Variants in GLTP observed in about 807,000 individuals in gnomAD.
GLTP encodes the protein glycolipid transfer protein.
GLTP carries 22 observed loss-of-function variants against 24.0 expected under a neutral mutation model. That is an observed-to-expected ratio of 0.92 (90% confidence interval 0.65 to 1.31). The LOEUF (loss-of-function observed/expected upper bound fraction) is 1.31. Ranked by LOEUF, GLTP falls within the 50% of genes most tolerant of loss-of-function variation. GLTP has a pLI of 0.00. For missense variants in GLTP, 224 were observed against 276.6 expected, an observed-to-expected ratio of 0.81 and a Z score of 1.35; for synonymous variants, 92 against 115.9, an observed-to-expected ratio of 0.79 and a Z score of 1.33.
chr12:109,854,609 A>C (rs77391596), intron 4 of GLTP, among the ~76,000 whole-genome samples: 5,565 of 152,264 alleles, frequency 0.037, 240 homozygotes, highest in African/African-American at 0.11. Flanking sequence ...AATGGAAGTG[A>C]GAACAGTGCC....
intron 1 of GLTP, among the ~76,000 whole-genome samples, chr12:109,868,336 G>T (rs1403769613): frequency 2.6e-5 from 4 of 152,140 alleles, no homozygotes; most frequent in Non-Finnish European, 5.9e-5. Context: ...CTGGCCTCAA[G>T]AGAGTTGGAC....
At chr12:109,872,022 C>T (rs1156847739) in intron 1 of GLTP, among the ~76,000 whole-genome samples, 1 of 152,262 alleles carries the variant, frequency 6.6e-6, no homozygotes, top group African/African-American at 2.4e-5. Flanking sequence ...GAGGCCAAAC[C>T]TCAGGCTCTG....
At position 109,852,448 on chromosome 12, in the gene GLTP, G is replaced by C. The variant is rs1286867325; in HGVS notation, c.*107C>G. ...CTCTGGCAGGACCCTGGGCTGCTCT[G>C]GGGGACACAGGCCAGGGGCAGTTCA... is the stretch of plus-strand genomic sequence containing the variant. On this transcript the variant is annotated 3_prime_UTR_variant, in exon 5 of 5. Transcript: ENST00000318348. 1 of 737,916 alleles carries C rather than the reference G, an allele frequency of 1.4e-6. No individual in the cohort carries two copies. The highest frequency in any genetic ancestry group is 2.5e-5 in the East Asian group (1 of 40,120). The allele number at this position is 737,916 out of a possible 1,614,324, so 45.7% of individuals were successfully genotyped here. A position where few individuals can be genotyped will look rare whatever the true frequency, so the allele number is the denominator to read the frequency against.
intron 2 of GLTP, chr12:109,858,269 C>T (rs1892826990): frequency 2.2e-6 from 1 of 458,130 alleles, no homozygotes; most frequent in Non-Finnish European, 4.4e-6. Flanking sequence ...CAGTGTGTCC[C>T]AAGCCCTTGG....
At chr12:109,867,140 T>C (rs2136046825) in intron 1 of GLTP, among the ~76,000 whole-genome samples, 1 of 151,940 alleles carries the variant, frequency 6.6e-6, no homozygotes, top group Middle Eastern at 3.4e-3. Flanking sequence ...CTGCAGTGCT[T>C]CAATTATTTA....
Position 109,852,718 on chromosome 12 carries a change from G to A in GLTP, c.467C>T (p.Pro156Leu). The stretch of plus-strand genomic sequence containing the variant: ...CGCTTTCAGGAAGTCAGACTTATAG[G>A]GTGCTGCGTACAGTGCTGCCTTGAG... ...KIFQAALYAA[P>L]YKSDFLKALS... Residue 156 changes from proline (P) to leucine (L), a missense_variant, in exon 5 of 5, where the codon CCC becomes CTC. Transcript: ENST00000318348. 1 of 1,612,360 alleles carries A rather than the reference G, an allele frequency of 6.2e-7. No individual in the cohort carries two copies. Among genetic ancestry groups the A allele is most frequent in the East Asian group, 2.2e-5 (1 of 44,874 alleles).
At chr12:109,877,308 G>A (rs1473069917) in intron 1 of GLTP, among the ~76,000 whole-genome samples, 2 of 152,214 alleles carry the variant, frequency 1.3e-5, no homozygotes, top group African/African-American at 4.8e-5. Context: ...CATAGTAAGG[G>A]CTCAGTGAGT....
chr12:109,880,186 C>T lies in GLTP; in HGVS notation c.103+86G>A, dbSNP rs1048358838. The T allele has an allele frequency of 1.3e-6, 1 of 765,212 alleles. No homozygotes were observed. Among genetic ancestry groups the T allele is most frequent in the Non-Finnish European group, 2.2e-6 (1 of 453,696 alleles). The allele number at this position is 765,212 out of a possible 1,614,324, so 47.4% of individuals were successfully genotyped here. ...AAACAGTACTTAGGGGTGTCTAGGG[C>T]AGAGATGGTTAGGGGATGCTCGGGG... On this transcript the variant is annotated intron_variant, in intron 1 of 4. Coordinates refer to ENST00000318348, the MANE Select transcript of GLTP (RefSeq NM_016433.4). This position sits in a 1 kb window ranked among gnomAD's most constrained non-coding sequence, Gnocchi z 5.1.
intron 1 of GLTP, among the ~76,000 whole-genome samples, chr12:109,863,755 T>C (rs1346295716): frequency 1.3e-5 from 2 of 152,208 alleles, no homozygotes; most frequent in African/African-American, 2.4e-5. Flanking sequence ...AAGTGAGGGC[T>C]CAAAGCACTG....
chr12:109,855,858 T>A lies in GLTP; in HGVS notation c.297-89A>T. On this transcript the variant is annotated intron_variant, in intron 3 of 4. Coordinates refer to ENST00000318348, the MANE Select transcript of GLTP (RefSeq NM_016433.4). This position sits in a 1 kb window ranked among gnomAD's most constrained non-coding sequence, Gnocchi z 4.1. ...TGGACTCTGAATTTGCCACCTACTGTGAGCCAGGAACATGGGCGCCCCAGA... is the reference window on the plus strand; with the variant it reads ...TGGACTCTGAATTTGCCACCTACTGAGAGCCAGGAACATGGGCGCCCCAGA... 8.6e-7 allele frequency: 1 copy of A among 1,161,394 alleles called. No individual in the cohort carries two copies. Among genetic ancestry groups the A allele is most frequent in the Non-Finnish European group, 1.2e-6 (1 of 845,716 alleles). 71.9% of individuals were successfully genotyped at this position (1,161,394 alleles called of 1,614,324 possible).
At chr12:109,872,781 C>T (rs11068696) in intron 1 of GLTP, among the ~76,000 whole-genome samples, 8,408 of 152,268 alleles carry the variant, frequency 0.055, 353 homozygotes, top group East Asian at 0.12. Context: ...TTCTCAGGGT[C>T]CCTCCCAGGC....
At chr12:109,875,265 T>G (rs1369443236) in intron 1 of GLTP, among the ~76,000 whole-genome samples, 1 of 152,032 alleles carries the variant, frequency 6.6e-6, no homozygotes, top group Non-Finnish European at 1.5e-5. Context: ...CTGGATAAGG[T>G]AACTCCTTAA....
chr12:109,865,964 A>G (rs1868515443), intron 1 of GLTP, among the ~76,000 whole-genome samples: 1 of 152,198 alleles, frequency 6.6e-6, no homozygotes, highest in Non-Finnish European at 1.5e-5. Context: ...GAAACCTCCT[A>G]TATGGGGGAG....
At chr12:109,875,984 C>T (rs778758680) in intron 1 of GLTP, among the ~76,000 whole-genome samples, 2 of 152,118 alleles carry the variant, frequency 1.3e-5, no homozygotes, top group Non-Finnish European at 2.9e-5. Context: ...TACCAGAGCC[C>T]GACATAAGAA....
At chr12:109,858,268 C>G (rs765730127) in intron 2 of GLTP, 83 of 457,910 alleles carry the variant, frequency 1.8e-4, no homozygotes, top group Non-Finnish European at 3.4e-4. Flanking sequence ...GCAGTGTGTC[C>G]CAAGCCCTTG....
chr12:109,879,084 G>A (rs977759399), intron 1 of GLTP, among the ~76,000 whole-genome samples: 2 of 152,182 alleles, frequency 1.3e-5, no homozygotes, highest in Admixed American at 6.5e-5. Flanking sequence ...CTCACGAGGT[G>A]AAGGAGGGGA....
chr12:109,862,036 G>C (rs904921101), intron 1 of GLTP, among the ~76,000 whole-genome samples: 20 of 152,182 alleles, frequency 1.3e-4, no homozygotes, highest in Admixed American at 3.3e-4. Context: ...CTGTCGTCAT[G>C]CTAGGCCACG....
Position 109,880,383 on chromosome 12 carries a change from CGA to C in GLTP, c.-11_-10del. 6.6e-7 allele frequency: 1 copy of C among 1,522,508 alleles called. No homozygotes were observed. The highest frequency in any genetic ancestry group is 8.9e-7 in the Non-Finnish European group (1 of 1,128,166). 94.3% of individuals were successfully genotyped at this position (1,522,508 alleles called of 1,614,324 possible). On this transcript the variant is annotated 5_prime_UTR_variant, in exon 1 of 5. Coordinates refer to ENST00000318348, the MANE Select transcript of GLTP (RefSeq NM_016433.4). The surrounding 1 kb of genome is among the most constrained non-coding windows in gnomAD (Gnocchi z 5.1). ...TCGGCCAGCAGCGCCATTTCGGGGT[CGA>C]GGCCCGCGGTGATGCCCCAGCCGGC...
At chr12:109,868,779 C>A (rs1326157210) in intron 1 of GLTP, among the ~76,000 whole-genome samples, 1 of 152,022 alleles carries the variant, frequency 6.6e-6, no homozygotes, top group Non-Finnish European at 1.5e-5. Flanking sequence ...CTTTATAGGT[C>A]TTGGGTTACA....
Sources: gnomAD v4.1 joint callset for allele counts (sites outside exome capture counted in the v4.1 genomes callset) on GRCh38, gnomAD v4.1.1 for gene constraint, Gnocchi (gnomAD v3.1) non-coding constraint, MANE v1.5 for transcripts, NCBI Gene and HGNC (gene_info 2026-07-23, HGNC 2026-07-21) for gene names.